Variants in PCDH15 observed in about 807,000 individuals in gnomAD.
The protein encoded by PCDH15 is protocadherin-15.
A neutral mutation model predicts 178.5 loss-of-function variants in PCDH15; 129 were observed. That is an observed-to-expected ratio of 0.72 (90% CI 0.63 to 0.84). PCDH15 has a LOEUF of 0.84. Among genes scored for constraint, PCDH15 ranks in the 40% least tolerant of loss-of-function variants. The pLI, the probability that PCDH15 is intolerant of heterozygous loss-of-function variation, is 0.00. For synonymous variants in PCDH15, 800 were observed against 732.0 expected (o/e 1.09, Z -1.50); for missense variants, 2,230 against 2,099.9 (o/e 1.06, Z -1.21).
chr10:55,192,385 C>G (rs1839966893), intron 1 of PCDH15, among the ~76,000 whole-genome samples: 4 of 151,806 alleles, frequency 2.6e-5, no homozygotes, highest in Admixed American at 2.6e-4. Flanking sequence ...AAAATATGCC[C>G]TATACTCCCA....
At chr10:53,951,632 C>A (rs1340508258) in intron 23 of PCDH15, among the ~76,000 whole-genome samples, 2 of 152,234 alleles carry the variant, frequency 1.3e-5, no homozygotes, top group Non-Finnish European at 2.9e-5. Context: ...CTAAAATATA[C>A]AAACGTTTGT....
At chr10:55,475,088 A>T (rs1840037364) in intron 2 of PCDH15, among the ~76,000 whole-genome samples, 1 of 152,084 alleles carries the variant, frequency 6.6e-6, no homozygotes, top group African/African-American at 2.4e-5. Context: ...GTGTACAGAG[A>T]TCACATGGCA....
At chr10:53,955,585 C>A (rs1005861770) in intron 23 of PCDH15, among the ~76,000 whole-genome samples, 3 of 152,118 alleles carry the variant, frequency 2.0e-5, no homozygotes, top group African/African-American at 4.8e-5. Context: ...ATGTAAAAGC[C>A]ATGTGTACCT....
At position 54,939,088 on chromosome 10, in the gene PCDH15, A is replaced by AT. The variant is rs556315515; in HGVS notation, c.-79-41589dup. Among the ~76,000 whole-genome samples, 978 of 151,912 alleles carry AT rather than the reference A, an allele frequency of 6.4e-3. 9 individuals carry two copies. Among genetic ancestry groups the AT allele is most frequent in the African/African-American group, 0.02 (837 of 41,462 alleles). ...TGATTTAAGTCACTGAATTTTTGGT[A>AT]TTTTTTTTGCAGCAGCAATATAAAA... On this transcript the variant is annotated intron_variant, in intron 2 of 5. Coordinates refer to the PCDH15 transcript ENST00000458638.
chr10:54,804,469 T>C (rs972433576), upstream of PCDH15, among the ~76,000 whole-genome samples: 2 of 152,170 alleles, frequency 1.3e-5, no homozygotes, highest in Non-Finnish European at 1.5e-5. Flanking sequence ...GTAGAGACCA[T>C]GCTGAATCTT....
At chr10:54,775,427 C>T (rs1196614145) in intron 1 of PCDH15, among the ~76,000 whole-genome samples, 1 of 152,138 alleles carries the variant, frequency 6.6e-6, no homozygotes, top group Non-Finnish European at 1.5e-5. Flanking sequence ...GTATAGTAAT[C>T]AGATCAGGGT....
At chr10:54,403,621 G>A (rs1306843787) in intron 3 of PCDH15, among the ~76,000 whole-genome samples, 2 of 152,076 alleles carry the variant, frequency 1.3e-5, no homozygotes, top group South Asian at 2.1e-4. Flanking sequence ...AGAAAAAGGG[G>A]CATCCAAATA....
intron 2 of PCDH15, among the ~76,000 whole-genome samples, chr10:54,563,071 A>T (rs559311012): frequency 1.3e-5 from 2 of 152,196 alleles, no homozygotes; most frequent in Non-Finnish European, 2.9e-5. Context: ...TTGAGCTTGA[A>T]GGTACTTATC....
chr10:55,253,543 A>G (rs558982800), intron 1 of PCDH15, among the ~76,000 whole-genome samples: 10 of 152,284 alleles, frequency 6.6e-5, no homozygotes, highest in African/African-American at 2.2e-4. Flanking sequence ...TTGAGAATGT[A>G]ACTTTACTAA....
intron 1 of PCDH15, among the ~76,000 whole-genome samples, chr10:55,296,183 T>C (rs759997141): frequency 7.2e-5 from 11 of 152,150 alleles, no homozygotes; most frequent in Non-Finnish European, 1.2e-4. Context: ...TCCCAACACC[T>C]CCATTGTTCA....
intron 2 of PCDH15, among the ~76,000 whole-genome samples, chr10:55,110,920 T>A (rs373461604): frequency 7.5e-4 from 114 of 152,274 alleles, no homozygotes; most frequent in South Asian, 7.5e-3. Flanking sequence ...TTACTTCTTA[T>A]TTTTTAACTA....
chr10:54,590,455 T>C (rs2091809230), intron 2 of PCDH15, among the ~76,000 whole-genome samples: 1 of 152,192 alleles, frequency 6.6e-6, no homozygotes, highest in Admixed American at 6.5e-5. Context: ...AGCGCCAATA[T>C]ATAAATGGTT....
At chr10:55,531,970 C>T (rs1046081850) in intron 2 of PCDH15, among the ~76,000 whole-genome samples, 12 of 151,830 alleles carry the variant, frequency 7.9e-5, no homozygotes, top group Admixed American at 1.3e-4. Context: ...TCAATGAATA[C>T]GAAGAAGTGA....
intron 2 of PCDH15, among the ~76,000 whole-genome samples, chr10:55,069,912 C>T (rs1403120890): frequency 1.3e-5 from 2 of 152,076 alleles, no homozygotes; most frequent in African/African-American, 2.4e-5. Context: ...AAAGTGTTCC[C>T]ATTTCTCCAC....
rs143334980 is a variant in PCDH15 at position 54,188,044 on chromosome 10, C to T, written c.1306-2776G>A. ...AATGTTAATAGATACATATCAGTAC[C>T]AACTAACCTATTGTTTTGATTGACA... On this transcript the variant is annotated intron_variant, in intron 11 of 37. Transcript: ENST00000644397. 5.3e-5 allele frequency among the ~76,000 whole-genome samples: 8 copies of T among 151,658 alleles called. No homozygotes were observed. The East Asian group carries it at 1.4e-3, about 26-fold the overall frequency.
intron 2 of PCDH15, among the ~76,000 whole-genome samples, chr10:55,395,681 T>C (rs1837910764): frequency 6.6e-6 from 1 of 152,086 alleles, no homozygotes; most frequent in Non-Finnish European, 1.5e-5. Flanking sequence ...TGGAAATTTT[T>C]TAGTTTAAAA....
chr10:54,908,612 T>C (rs1954766486), intron 2 of PCDH15, among the ~76,000 whole-genome samples: 1 of 152,226 alleles, frequency 6.6e-6, no homozygotes, highest in Admixed American at 6.5e-5. Flanking sequence ...TTGTCCAGAG[T>C]TCTTGTCCTG....
chr10:54,348,165 C>T (rs116160975), intron 5 of PCDH15, among the ~76,000 whole-genome samples: 2,717 of 152,168 alleles, frequency 0.018, 86 homozygotes, highest in African/African-American at 0.062. Context: ...GATTTTTAAA[C>T]ATTAAAATAT....
Position 55,463,905 on chromosome 10 carries a change from GAA to G in PCDH15, c.-156+163718_-156+163719del, listed in dbSNP as rs1565165207. Reference sequence around the variant, plus strand: ...AGAAAGAGAGGGAGAGAGAGAGAAAGAAAGAAAGAAAGAAAGAAAGAAAGAAA... The same window carrying G: ...AGAAAGAGAGGGAGAGAGAGAGAAAGAGAAAGAAAGAAAGAAAGAAAGAAA... On this transcript the variant is annotated intron_variant, in intron 2 of 5. Transcript: ENST00000613346. Among the ~76,000 whole-genome samples the G allele has an allele frequency of 5.4e-3, 55 of 10,278 alleles. 10 individuals carry two copies. Among genetic ancestry groups the G allele is most frequent in the Non-Finnish European group, 6.9e-3 (49 of 7,144 alleles). The allele number at this position is 10,278 out of a possible 152,430, so 6.7% of individuals were successfully genotyped here.
Sources: allele counts gnomAD v4.1 joint callset (sites outside exome capture counted in the v4.1 genomes callset), GRCh38; gene constraint gnomAD v4.1.1; transcripts MANE v1.5; gene names NCBI Gene and HGNC (gene_info 2026-07-23, HGNC 2026-07-21).